SAMD12: variants seen among roughly 807,000 people sequenced by gnomAD.
SAMD12 encodes the protein sterile alpha motif domain containing 12.
SAMD12 carries 9 observed loss-of-function variants against 15.0 expected under a neutral mutation model. The ratio of observed to expected loss-of-function variants is 0.60; its 90% CI spans 0.36 to 1.05. The LOEUF is 1.05. Ranked by LOEUF, SAMD12 falls within the 50% of genes least tolerant of loss-of-function variation. SAMD12 has a pLI of 0.01. For synonymous variants in SAMD12, 86 were observed against 90.1 expected, an observed-to-expected ratio of 0.96 and a Z score of 0.25; for missense variants, 230 against 234.2, an observed-to-expected ratio of 0.98 and a Z score of 0.12.
chr8:118,564,511 A>C (rs1207403073), intron 2 of SAMD12, among the ~76,000 whole-genome samples: 1 of 152,216 alleles, frequency 6.6e-6, no homozygotes, highest in Non-Finnish European at 1.5e-5. Context: ...ATTTTAGTTC[A>C]GTAGTTCAGA....
intron 3 of SAMD12, among the ~76,000 whole-genome samples, chr8:118,390,126 C>G (rs1246564015): frequency 1.3e-5 from 2 of 152,106 alleles, no homozygotes; most frequent in African/African-American, 4.8e-5. Flanking sequence ...CCTGCCTCAG[C>G]CTCCTAAGCA....
At chr8:118,198,433 T>C (rs1205217993) in intron 4 of SAMD12, among the ~76,000 whole-genome samples, 1 of 152,208 alleles carries the variant, frequency 6.6e-6, no homozygotes, top group Non-Finnish European at 1.5e-5. Context: ...TACAGTTCCT[T>C]ATACATGGGT....
At chr8:118,542,588 G>C (rs1369658100) in intron 2 of SAMD12, among the ~76,000 whole-genome samples, 4 of 152,130 alleles carry the variant, frequency 2.6e-5, no homozygotes, top group Non-Finnish European at 4.4e-5. Flanking sequence ...AGCTTTCCCA[G>C]GTCTTCCAGA....
chr8:118,185,294 A>C (rs909331546), downstream of SAMD12, among the ~76,000 whole-genome samples: 2 of 152,088 alleles, frequency 1.3e-5, no homozygotes, highest in Non-Finnish European at 1.5e-5. Context: ...TACATGAATA[A>C]GTTATTTAGT....
chr8:118,554,992 G>A (rs1434634407), intron 2 of SAMD12, among the ~76,000 whole-genome samples: 2 of 152,130 alleles, frequency 1.3e-5, no homozygotes, highest in Non-Finnish European at 2.9e-5. Context: ...TGAGTAATAT[G>A]CCATATTTTT....
chr8:118,515,185 A>ATTTTTTTTTTTTTTTTTTTTTT (rs55864364), intron 2 of SAMD12, among the ~76,000 whole-genome samples: 2 of 103,314 alleles, frequency 1.9e-5, no homozygotes, highest in Non-Finnish European at 1.8e-5. Flanking sequence ...CGCCCAGCTA[A>ATTTTTTTTTTTTTTTTTTTTTT]TTTTTTTTTT....
At chr8:118,602,016 A>C (rs1827875671) in intron 1 of SAMD12, among the ~76,000 whole-genome samples, 1 of 152,200 alleles carries the variant, frequency 6.6e-6, no homozygotes, top group African/African-American at 2.4e-5. Flanking sequence ...TTCATGCACA[A>C]GTACCCCCAG....
rs116930984 is a variant in SAMD12, at chr8:118,263,492, C to T, written c.434-65760G>A. Among the ~76,000 whole-genome samples the T allele has an allele frequency of 7.2e-3, 1,088 of 152,036 alleles. 8 individuals are homozygous for T. The highest frequency in any genetic ancestry group is 8.1e-3 in the Non-Finnish European group (553 of 67,964). On this transcript the variant is annotated intron_variant, in intron 4 of 4. Coordinates refer to the SAMD12 transcript ENST00000409003. ...AGAGATTTTGGTTTAGAGGCACAGA[C>T]AAATGTACCCCAGAAAAAAATCTAT...
intron 2 of SAMD12, among the ~76,000 whole-genome samples, chr8:118,492,176 T>A (rs1824460653): frequency 1.3e-5 from 2 of 151,976 alleles, no homozygotes; most frequent in African/African-American, 4.8e-5. Context: ...CAAGTAGTAT[T>A]TCATTGTGAT....
intron 4 of SAMD12, among the ~76,000 whole-genome samples, chr8:118,269,290 T>A (rs1336958838): frequency 1.3e-5 from 2 of 148,644 alleles, no homozygotes; most frequent in Non-Finnish European, 3.0e-5. Context: ...GAAGTGTGCA[T>A]TCGACCTGCT....
the SAMD12 span, among the ~76,000 whole-genome samples, chr8:118,173,396 T>C: frequency 6.6e-6 from 1 of 152,052 alleles, no homozygotes; most frequent in African/African-American, 2.4e-5. Context: ...ACCCAGAGGC[T>C]TAGCTTAAAA....
In SAMD12 at chr8:118,318,275, A is replaced by T. The variant is rs879873736; in HGVS notation, c.433+61285T>A. On this transcript the variant is annotated intron_variant, in intron 4 of 4. Transcript: ENST00000409003. ...TATTGCAGCTCAATTCACAATTGCC[A>T]ATGAGTAGATTAAAAAAATATGGGA... 6.1e-5 allele frequency among the ~76,000 whole-genome samples: 9 copies of T among 146,542 alleles called. 1 individual carries two copies. The highest frequency in any genetic ancestry group is 1.3e-4 in the Non-Finnish European group (9 of 66,894).
intron 3 of SAMD12, among the ~76,000 whole-genome samples, chr8:118,423,020 T>C (rs74890136): frequency 0.014 from 2,162 of 152,088 alleles, 52 homozygotes; most frequent in African/African-American, 0.05. Flanking sequence ...CAAATAAAAA[T>C]ACAAAAAAAT....
At chr8:118,544,117 T>C (rs1042517489) in intron 2 of SAMD12, among the ~76,000 whole-genome samples, 7 of 152,124 alleles carry the variant, frequency 4.6e-5, no homozygotes, top group Non-Finnish European at 8.8e-5. Flanking sequence ...CCGTCGGCTC[T>C]TCTCCAAATG....
chr8:118,552,163 C>T (rs375108761), intron 2 of SAMD12, among the ~76,000 whole-genome samples: 4 of 152,138 alleles, frequency 2.6e-5, no homozygotes, highest in Admixed American at 2.0e-4. Flanking sequence ...GGGAATCCTC[C>T]CTAACTCATT....
chr8:118,384,098 C>T (rs1190863398), intron 3 of SAMD12, among the ~76,000 whole-genome samples: 1 of 152,030 alleles, frequency 6.6e-6, no homozygotes, highest in Admixed American at 6.5e-5. Flanking sequence ...AGGGGTGAGG[C>T]TGGAACCAGA....
intron 4 of SAMD12, among the ~76,000 whole-genome samples, chr8:118,321,301 T>G (rs1816267608): frequency 1.7e-5 from 1 of 59,002 alleles, no homozygotes; most frequent in South Asian, 2.9e-4. Flanking sequence ...TTTTGTTTTT[T>G]TTTTTTTTGG....
intron 2 of SAMD12, among the ~76,000 whole-genome samples, chr8:118,495,017 T>C (rs2079790705): frequency 2.0e-5 from 3 of 152,322 alleles, no homozygotes; most frequent in Middle Eastern, 6.8e-3. Flanking sequence ...TGAAAGTCTG[T>C]ATATTATGGA....
chr8:118,537,479 G>T (rs1012049095), intron 2 of SAMD12, among the ~76,000 whole-genome samples: 1 of 150,764 alleles, frequency 6.6e-6, no homozygotes, highest in African/African-American at 2.4e-5. Flanking sequence ...TTTTTCTTTT[G>T]TATCCTCTGA....
Sources: gnomAD v4.1 joint callset for allele counts (sites outside exome capture counted in the v4.1 genomes callset) on GRCh38, gnomAD v4.1.1 for gene constraint, MANE v1.5 for transcripts, NCBI Gene and HGNC (gene_info 2026-07-23, HGNC 2026-07-21) for gene names.